Variants in TRPC4AP observed in about 807,000 individuals in gnomAD.
TRPC4AP encodes the protein short transient receptor potential channel 4-associated protein.
A neutral mutation model predicts 99.0 loss-of-function variants in TRPC4AP; 45 were observed. The ratio of observed to expected loss-of-function variants is 0.45; its 90% CI spans 0.36 to 0.58. TRPC4AP has a LOEUF of 0.58. Among genes scored for constraint, TRPC4AP ranks in the 20% least tolerant of loss-of-function variants. The pLI, the probability that TRPC4AP is intolerant of heterozygous loss-of-function variation, is 0.00. For synonymous variants in TRPC4AP, 408 were observed against 385.8 expected (o/e 1.06, Z -0.67); for missense variants, 879 against 985.3 (o/e 0.89, Z 1.44).
At chr20:35,013,395 C>G (rs956501150) in intron 10 of TRPC4AP, among the ~76,000 whole-genome samples, 1 of 152,120 alleles carries the variant, frequency 6.6e-6, no homozygotes, top group Non-Finnish European at 1.5e-5. Flanking sequence ...GCCTGGGCAA[C>G]ATGGCAAACC....
At chr20:35,025,547 A>C (rs1490909745) in intron 8 of TRPC4AP, among the ~76,000 whole-genome samples, 1 of 152,154 alleles carries the variant, frequency 6.6e-6, no homozygotes, top group African/African-American at 2.4e-5. Flanking sequence ...ATAATTATTT[A>C]TATATCTTCT....
At chr20:35,061,145 A>G (rs1179420696) in intron 3 of TRPC4AP, among the ~76,000 whole-genome samples, 1 of 152,232 alleles carries the variant, frequency 6.6e-6, no homozygotes, top group Non-Finnish European at 1.5e-5. Context: ...GTTCAGCAAG[A>G]TTTCACGATA....
chr20:35,085,471 C>T (rs1232551940), intron 1 of TRPC4AP, among the ~76,000 whole-genome samples: 1 of 151,812 alleles, frequency 6.6e-6, no homozygotes, highest in East Asian at 1.9e-4. Context: ...AAATGAGCTG[C>T]GTATGGTGGC....
chr20:35,090,056 C>A (rs1259742935), intron 1 of TRPC4AP, among the ~76,000 whole-genome samples: 2 of 147,908 alleles, frequency 1.4e-5, no homozygotes, highest in African/African-American at 5.0e-5. Context: ...GGAAGTTGAG[C>A]TTGCCACTGC....
intron 15 of TRPC4AP, 133 bp downstream of exon 15, chr20:35,006,302 T>C (rs949703725): frequency 2.9e-6 from 3 of 1,047,042 alleles, no homozygotes; most frequent in Non-Finnish European, 4.2e-6. Flanking sequence ...TTCCAATGAA[T>C]GTTTGCCAAA....
Position 35,003,088 on chromosome 20 carries a change from G to GC in TRPC4AP, c.*57dup. 6.2e-7 allele frequency: 1 copy of GC among 1,603,524 alleles called. No individual in the cohort carries two copies. Among genetic ancestry groups the GC allele is most frequent in the Non-Finnish European group, 8.5e-7 (1 of 1,174,392 alleles). On this transcript the variant is annotated 3_prime_UTR_variant, in exon 19 of 19. Coordinates refer to ENST00000252015, the MANE Select transcript of TRPC4AP (RefSeq NM_015638.3). ...GAACGGGAACAGGGCAGGGCGTGTGGCATCGTACCCACGCTCACCCACACT... is the reference window on the plus strand; with the variant it reads ...GAACGGGAACAGGGCAGGGCGTGTGGCCATCGTACCCACGCTCACCCACACT...
At chr20:35,025,979 T>G (rs943385673) in intron 8 of TRPC4AP, among the ~76,000 whole-genome samples, 3 of 152,196 alleles carry the variant, frequency 2.0e-5, no homozygotes, top group Non-Finnish European at 2.9e-5. Flanking sequence ...CTAACTTCAT[T>G]CTTTCGCATG....
chr20:35,003,052 G>C lies in TRPC4AP; in HGVS notation c.*94C>G. ...CCCAAAGACCTGGGGCAGGCAGAGA[G>C]CAGCAGGGAGGAACGGGAACAGGGC... On this transcript the variant is annotated 3_prime_UTR_variant, in exon 19 of 19. Coordinates refer to ENST00000252015, the MANE Select transcript of TRPC4AP (RefSeq NM_015638.3). The C allele has an allele frequency of 6.5e-7, 1 of 1,534,952 alleles. No individual in the cohort carries two copies. The highest frequency in any genetic ancestry group is 8.8e-7 in the Non-Finnish European group (1 of 1,131,326).
At chr20:35,035,441 T>C (rs2083296554) in intron 7 of TRPC4AP, 133 bp from the exon 8 acceptor site, 5 of 1,004,596 alleles carry the variant, frequency 5.0e-6, no homozygotes, top group Non-Finnish European at 7.0e-6. Context: ...TCTTTTAAAA[T>C]GAATGTCAAA....
chr20:35,028,072 C>T (rs2083071861), intron 8 of TRPC4AP, among the ~76,000 whole-genome samples: 1 of 152,140 alleles, frequency 6.6e-6, no homozygotes. Context: ...TTTCCAATGA[C>T]TTAAGGTAGA....
intron 1 of TRPC4AP, among the ~76,000 whole-genome samples, chr20:35,086,489 ATATATAT>A (rs2084865659): frequency 1.6e-5 from 2 of 127,972 alleles, no homozygotes; most frequent in East Asian, 2.2e-4. Context: ...GTGTGTGTAT[ATATATAT>A]GTGTATATAT....
Position 35,035,029 on chromosome 20 carries a change from T to C in TRPC4AP, c.1051+94A>G, listed in dbSNP as rs915672645. On this transcript the variant is annotated intron_variant, in intron 8 of 18. Coordinates refer to ENST00000252015, the MANE Select transcript of TRPC4AP (RefSeq NM_015638.3). Reference sequence around the variant, plus strand: ...TGAGGACAATTCTACTCTGAGCAAATCTCAAATTAATCCTTCTTGGAAAGA... The same window carrying C: ...TGAGGACAATTCTACTCTGAGCAAACCTCAAATTAATCCTTCTTGGAAAGA... 1.4e-5 allele frequency: 19 copies of C among 1,367,760 alleles called. No homozygotes were observed. The African/African-American group carries it at 1.7e-4, about 13-fold the overall frequency. The allele number at this position is 1,367,760 out of a possible 1,614,324, so 84.7% of individuals were successfully genotyped here. A position where few individuals can be genotyped will look rare whatever the true frequency, so the allele number is the denominator to read the frequency against.
chr20:35,013,022 G>A lies in TRPC4AP; in HGVS notation c.1395C>T (p.Phe465=), dbSNP rs534034033. The change falls in exon 11 of 19, where the codon TTC becomes TTT. Residue 465 remains phenylalanine, a synonymous_variant. Transcript: ENST00000252015. ...CTTGTACTTACTCGTGGTGGTCACT[G>A]AAGCTCTGAAGAAGCCTCAAAAACT... The part of the protein sequence containing the change: ...KIQFLRLLQS[F]SDHHENKYLL... 3.1e-5 allele frequency: 50 copies of A among 1,614,094 alleles called. No individual in the cohort carries two copies. The Admixed American group carries it at 3.7e-4, about 12-fold the overall frequency.
At chr20:35,063,182 GC>G (rs2084052202) in intron 3 of TRPC4AP, among the ~76,000 whole-genome samples, 1 of 152,200 alleles carries the variant, frequency 6.6e-6, no homozygotes, top group South Asian at 2.1e-4. Context: ...CTGTCCTGCT[GC>G]CCTGTGAAGA....
chr20:35,039,513 T>A (rs1167370360), intron 7 of TRPC4AP, among the ~76,000 whole-genome samples: 1 of 152,218 alleles, frequency 6.6e-6, no homozygotes, highest in Non-Finnish European at 1.5e-5. Context: ...CTGGTTAATG[T>A]TAAACTGACA....
intron 8 of TRPC4AP, among the ~76,000 whole-genome samples, chr20:35,029,123 C>T (rs1260003317): frequency 2.0e-5 from 3 of 152,092 alleles, no homozygotes; most frequent in Non-Finnish European, 4.4e-5. Flanking sequence ...GTGGGCTCCC[C>T]GCCTGTAATC....
intron 1 of TRPC4AP, among the ~76,000 whole-genome samples, chr20:35,085,163 T>C (rs1253431915): frequency 1.3e-5 from 2 of 152,210 alleles, no homozygotes; most frequent in African/African-American, 2.4e-5. Context: ...ATTAGGAGTA[T>C]GGAACTTAGA....
intron 1 of TRPC4AP, among the ~76,000 whole-genome samples, chr20:35,080,560 A>C (rs941822548): frequency 3.4e-5 from 5 of 147,466 alleles, no homozygotes; most frequent in Admixed American, 1.4e-4. Context: ...AAAAAAACCT[A>C]AAAGAAGCCA....
chr20:35,067,462 TCAAA>T, intron 3 of TRPC4AP, among the ~76,000 whole-genome samples: 1 of 152,318 alleles, frequency 6.6e-6, no homozygotes, highest in Admixed American at 6.5e-5. Context: ...TGGCAGTTCC[TCAAA>T]CAATTAAACA....
Sources: gnomAD v4.1 joint callset for allele counts (sites outside exome capture counted in the v4.1 genomes callset) on GRCh38, gnomAD v4.1.1 for gene constraint, MANE v1.5 for transcripts, NCBI Gene and HGNC (gene_info 2026-07-23, HGNC 2026-07-21) for gene names.